Variants in CDKAL1 observed in about 807,000 individuals in gnomAD.
CDKAL1 encodes the protein CDKAL1 threonylcarbamoyladenosine tRNA methylthiotransferase, also known as threonylcarbamoyladenosine tRNA methylthiotransferase.
A neutral mutation model predicts 68.2 loss-of-function variants in CDKAL1; 32 were observed. The ratio of observed to expected loss-of-function variants is 0.47; its 90% confidence interval spans 0.35 to 0.63. The LOEUF (loss-of-function observed/expected upper bound fraction) is 0.63. Ranked by LOEUF, CDKAL1 falls within the 30% of genes least tolerant of loss-of-function variation. The pLI, the probability that CDKAL1 is intolerant of heterozygous loss-of-function variation, is 0.00. For missense variants in CDKAL1, 606 were observed against 696.7 expected, an observed-to-expected ratio of 0.87 and a Z score of 1.47; for synonymous variants, 234 against 244.3, an observed-to-expected ratio of 0.96 and a Z score of 0.39.
At chr6:20,815,056 T>C (rs892656817) in intron 8 of CDKAL1, among the ~76,000 whole-genome samples, 9 of 152,248 alleles carry the variant, frequency 5.9e-5, no homozygotes, top group African/African-American at 1.9e-4. Flanking sequence ...TTGTCTAATA[T>C]CTGAACATGT....
chr6:20,732,680 G>A (rs368798783), intron 5 of CDKAL1, among the ~76,000 whole-genome samples: 4 of 152,160 alleles, frequency 2.6e-5, no homozygotes, highest in African/African-American at 7.2e-5. Flanking sequence ...CCTCTGATGC[G>A]TGTTTTATTT....
At chr6:20,628,195 T>A (rs1286443051) in intron 4 of CDKAL1, among the ~76,000 whole-genome samples, 1 of 152,176 alleles carries the variant, frequency 6.6e-6, no homozygotes, top group Non-Finnish European at 1.5e-5. Context: ...AAAGAATTTG[T>A]CTTTCAATGA....
intron 13 of CDKAL1, among the ~76,000 whole-genome samples, chr6:21,144,614 A>G (rs1457687356): frequency 2.0e-5 from 3 of 146,412 alleles, no homozygotes; most frequent in Non-Finnish European, 4.5e-5. Flanking sequence ...GTGAAACCCC[A>G]TCTCTACAAA....
intron 15 of CDKAL1, among the ~76,000 whole-genome samples, chr6:21,219,847 G>A (rs983580956): frequency 7.9e-5 from 12 of 152,198 alleles, no homozygotes; most frequent in African/African-American, 2.7e-4. Context: ...ATTATTTTGA[G>A]TTGAACTGAT....
At chr6:21,029,527 C>G (rs967297595) in intron 11 of CDKAL1, among the ~76,000 whole-genome samples, 3 of 152,144 alleles carry the variant, frequency 2.0e-5, no homozygotes, top group African/African-American at 4.8e-5. Context: ...AAGAAACTAT[C>G]ATCAGAGTGA....
At chr6:20,757,338 A>G (rs114095625) in intron 6 of CDKAL1, among the ~76,000 whole-genome samples, 121 of 152,232 alleles carry the variant, frequency 7.9e-4, no homozygotes, top group African/African-American at 2.7e-3. Context: ...TTTTTCATCA[A>G]TAGAGGTATG....
chr6:20,932,791 A>G (rs970605956), intron 9 of CDKAL1, among the ~76,000 whole-genome samples: 3 of 152,164 alleles, frequency 2.0e-5, no homozygotes, highest in African/African-American at 7.2e-5. Flanking sequence ...AGTTCCAAAG[A>G]GAACCTTTTT....
intron 10 of CDKAL1, among the ~76,000 whole-genome samples, chr6:20,964,208 A>T (rs1024335980): frequency 6.6e-6 from 1 of 152,232 alleles, no homozygotes; most frequent in Non-Finnish European, 1.5e-5. Flanking sequence ...TACACTGTGG[A>T]TGGAAGTGTA....
chr6:21,222,500 A>T (rs1779574611), intron 15 of CDKAL1, among the ~76,000 whole-genome samples: 1 of 152,198 alleles, frequency 6.6e-6, no homozygotes, highest in South Asian at 2.1e-4. Context: ...ATGCTGATGG[A>T]CTATGCATAC....
intron 5 of CDKAL1, among the ~76,000 whole-genome samples, chr6:20,724,296 CTTTT>C (rs1772538041): frequency 1.3e-5 from 2 of 152,238 alleles, no homozygotes; most frequent in South Asian, 4.2e-4. Context: ...AAGGGAGTAG[CTTTT>C]ACATTAATAC....
intron 4 of CDKAL1, among the ~76,000 whole-genome samples, chr6:20,586,856 A>G (rs915431895): frequency 4.6e-5 from 7 of 151,562 alleles, no homozygotes; most frequent in African/African-American, 1.7e-4. Context: ...CACCTTTTCT[A>G]CTTCTCTTGA....
intron 12 of CDKAL1, among the ~76,000 whole-genome samples, chr6:21,104,500 T>C (rs1773745865): frequency 6.8e-6 from 1 of 148,126 alleles, no homozygotes; most frequent in Non-Finnish European, 1.5e-5. Flanking sequence ...TGTGGCTGTA[T>C]TTCAGTAAAA....
At chr6:20,909,682 C>T (rs1372754428) in intron 9 of CDKAL1, among the ~76,000 whole-genome samples, 1 of 152,174 alleles carries the variant, frequency 6.6e-6, no homozygotes, top group Non-Finnish European at 1.5e-5. Flanking sequence ...CACAGTTCTG[C>T]CCTCAGAGCC....
At chr6:20,584,805 C>G (rs1765277316) in intron 4 of CDKAL1, among the ~76,000 whole-genome samples, 3 of 152,184 alleles carry the variant, frequency 2.0e-5, no homozygotes, top group South Asian at 4.1e-4. Context: ...GAGAATACCA[C>G]TTTTCCCCGC....
At chr6:20,593,999 T>C (rs1198341850) in intron 4 of CDKAL1, among the ~76,000 whole-genome samples, 2 of 152,262 alleles carry the variant, frequency 1.3e-5, no homozygotes. Flanking sequence ...AGTGAGTTTC[T>C]TAATCCTGAG....
intron 10 of CDKAL1, among the ~76,000 whole-genome samples, chr6:20,958,041 A>G (rs951709711): frequency 1.3e-5 from 2 of 151,936 alleles, no homozygotes; most frequent in Non-Finnish European, 2.9e-5. Context: ...GTAGTCTTGA[A>G]CTTTGAAATC....
intron 5 of CDKAL1, among the ~76,000 whole-genome samples, chr6:20,736,926 C>T (rs1405781039): frequency 6.6e-6 from 1 of 152,112 alleles, no homozygotes; most frequent in Non-Finnish European, 1.5e-5. Flanking sequence ...ACATTTTACA[C>T]TATGTCACCA....
intron 8 of CDKAL1, among the ~76,000 whole-genome samples, chr6:20,792,464 C>G (rs188378973): frequency 4.6e-5 from 7 of 152,266 alleles, no homozygotes; most frequent in East Asian, 1.9e-4. Flanking sequence ...TTACAAAGTT[C>G]TTTCTCCCTT....
At chr6:20,562,740 T>TCAAAAAAAAAAAAAAAAAA (rs1764316720) in intron 4 of CDKAL1, among the ~76,000 whole-genome samples, 2 of 150,138 alleles carry the variant, frequency 1.3e-5, no homozygotes, top group South Asian at 4.2e-4. Context: ...AGACTCCATC[T>TCAAAAAAAAAAAAAAAAAA]TAAAAAAAAA....
Sources: gnomAD v4.1 joint callset for allele counts (sites outside exome capture counted in the v4.1 genomes callset) on GRCh38, gnomAD v4.1.1 for gene constraint, MANE v1.5 for transcripts, NCBI Gene and HGNC (gene_info 2026-07-23, HGNC 2026-07-21) for gene names.